Variants in DENND1A observed in about 807,000 individuals in gnomAD.
DENND1A encodes the protein DENN domain containing 1A.
In DENND1A, 51 loss-of-function variants were observed where a neutral mutation model predicts 113.7. The ratio of observed to expected loss-of-function variants is 0.45; its 90% CI spans 0.36 to 0.57. The LOEUF (loss-of-function observed/expected upper bound fraction) is 0.57, where lower values mean the gene tolerates loss of function less well. DENND1A is among the 20% of genes least tolerant of loss of function. The pLI is 0.00. For synonymous variants in DENND1A, 565 were observed against 570.8 expected, an observed-to-expected ratio of 0.99 and a Z score of 0.14; for missense variants, 1,258 against 1,395.9, an observed-to-expected ratio of 0.90 and a Z score of 1.57.
chr9:123,803,572 C>T (rs988408775), intron 2 of DENND1A, among the ~76,000 whole-genome samples: 4 of 152,142 alleles, frequency 2.6e-5, no homozygotes, highest in Non-Finnish European at 5.9e-5. Flanking sequence ...CGTCTTATTA[C>T]GTGACCCTTG....
In DENND1A at chr9:123,616,405, C is replaced by T. The variant is rs76116785; in HGVS notation, c.720-6924G>A. On this transcript the variant is annotated intron_variant, in intron 10 of 23. Transcript: ENST00000394215. ...AAAAATGGTTACTGGATAATTATAG[C>T]TAAAAAAGTAAAATAGCTAGTGGGT... Among the ~76,000 whole-genome samples, 36 of 152,246 alleles carry T rather than the reference C, an allele frequency of 2.4e-4. No homozygotes were observed. In the East Asian group the frequency reaches 6.5e-3, roughly 28 times the overall value.
At chr9:123,499,191 G>T (rs992826420) in intron 13 of DENND1A, among the ~76,000 whole-genome samples, 7 of 151,822 alleles carry the variant, frequency 4.6e-5, no homozygotes, top group African/African-American at 1.5e-4. Flanking sequence ...ACGCCACCAC[G>T]CCTGGCTACT....
chr9:123,792,038 G>A (rs993098839), intron 3 of DENND1A, among the ~76,000 whole-genome samples: 1 of 152,156 alleles, frequency 6.6e-6, no homozygotes, highest in African/African-American at 2.4e-5. Flanking sequence ...TATGCTTGCA[G>A]AATGCTGTCA....
chr9:123,654,127 G>A (rs531352415), intron 8 of DENND1A, among the ~76,000 whole-genome samples: 2 of 152,310 alleles, frequency 1.3e-5, no homozygotes, highest in Admixed American at 6.5e-5. Context: ...ACTGGACGGA[G>A]GAACACAGAG....
intron 2 of DENND1A, among the ~76,000 whole-genome samples, chr9:123,858,406 T>A (rs1400851679): frequency 6.6e-6 from 1 of 152,250 alleles, no homozygotes; most frequent in Non-Finnish European, 1.5e-5. Flanking sequence ...AAGCTTTTTT[T>A]AAATCTTTAA....
intron 5 of DENND1A, among the ~76,000 whole-genome samples, chr9:123,737,795 T>C (rs1308492840): frequency 2.6e-5 from 4 of 152,178 alleles, no homozygotes; most frequent in Admixed American, 1.3e-4. Flanking sequence ...AAAACAATAC[T>C]GTTAAAACAA....
At chr9:123,433,097 T>C (rs747245318) in intron 19 of DENND1A, among the ~76,000 whole-genome samples, 18 of 152,266 alleles carry the variant, frequency 1.2e-4, no homozygotes, top group South Asian at 2.1e-4. Flanking sequence ...GAGACTGATA[T>C]TTACCAGGGG....
intron 13 of DENND1A, among the ~76,000 whole-genome samples, chr9:123,554,107 G>A (rs1394442819): frequency 6.6e-6 from 1 of 152,090 alleles, no homozygotes; most frequent in Non-Finnish European, 1.5e-5. Context: ...CCTTGGGGAG[G>A]GCCTCAGCAC....
intron 14 of DENND1A, 65 bp downstream of exon 14, chr9:123,457,728 G>T: frequency 6.8e-7 from 1 of 1,467,070 alleles, no homozygotes; most frequent in Non-Finnish European, 9.3e-7. Flanking sequence ...AGTACTTAGA[G>T]TGGAGACAGC....
intron 2 of DENND1A, among the ~76,000 whole-genome samples, chr9:123,878,607 T>C (rs1455759568): frequency 7.2e-5 from 11 of 152,224 alleles, no homozygotes; most frequent in Non-Finnish European, 1.2e-4. Flanking sequence ...TACCATTAGA[T>C]TGGTAGACTA....
At chr9:123,440,692 G>A (rs754807086) in intron 18 of DENND1A, among the ~76,000 whole-genome samples, 5 of 152,218 alleles carry the variant, frequency 3.3e-5, no homozygotes, top group Admixed American at 1.3e-4. Flanking sequence ...TCCATGTGAA[G>A]TTATAAAGAT....
intron 10 of DENND1A, among the ~76,000 whole-genome samples, chr9:123,619,783 G>A (rs1379611727): frequency 2.0e-5 from 3 of 152,128 alleles, no homozygotes; most frequent in East Asian, 1.9e-4. Flanking sequence ...CTTAAAAAAT[G>A]TAGCAGAGAA....
At chr9:123,835,045 C>T (rs1052964578) in intron 2 of DENND1A, among the ~76,000 whole-genome samples, 25 of 151,586 alleles carry the variant, frequency 1.6e-4, no homozygotes, top group African/African-American at 6.1e-4. Context: ...ACAAATCAAT[C>T]GCTCAGGACA....
chr9:123,767,227 T>G (rs1056010588), intron 4 of DENND1A, among the ~76,000 whole-genome samples: 1 of 152,150 alleles, frequency 6.6e-6, no homozygotes, highest in Non-Finnish European at 1.5e-5. Context: ...ATACCAAGGT[T>G]AGAGGTGGGG....
intron 13 of DENND1A, among the ~76,000 whole-genome samples, chr9:123,479,016 T>C (rs778450373): frequency 5.9e-5 from 9 of 152,182 alleles, no homozygotes; most frequent in Non-Finnish European, 1.3e-4. Context: ...AGCACCAGAA[T>C]GGTAATGAAT....
At chr9:123,414,639 A>C in intron 19 of DENND1A, 1 of 1,543,974 alleles carries the variant, frequency 6.5e-7, no homozygotes, top group Admixed American at 2.0e-5. Flanking sequence ...AACCCACCCA[A>C]ACCAGGCAAA....
At chr9:123,839,300 T>C (rs1228704183) in intron 2 of DENND1A, among the ~76,000 whole-genome samples, 1 of 152,236 alleles carries the variant, frequency 6.6e-6, no homozygotes, top group Non-Finnish European at 1.5e-5. Flanking sequence ...TTTTGCTTCC[T>C]GTCCTTCACT....
At position 123,575,934 on chromosome 9, in the gene DENND1A, G is replaced by A. The variant is rs115447390; in HGVS notation, c.867+7235C>T. ...TTTTATATAATAACCTCTGTAAATTGGAGTGTCTAGACAATGTATGTTTAA... is the reference window on the plus strand; with the variant it reads ...TTTTATATAATAACCTCTGTAAATTAGAGTGTCTAGACAATGTATGTTTAA... On this transcript the variant is annotated intron_variant, in intron 12 of 23. Transcript: ENST00000394215. Among the ~76,000 whole-genome samples the A allele has an allele frequency of 4.4e-3, 672 of 152,236 alleles. 6 individuals carry two copies. Among genetic ancestry groups the A allele is most frequent in the African/African-American group, 0.016 (649 of 41,550 alleles).
intron 5 of DENND1A, among the ~76,000 whole-genome samples, chr9:123,699,673 T>C (rs1315619001): frequency 6.7e-6 from 1 of 149,300 alleles, no homozygotes; most frequent in African/African-American, 2.5e-5. Context: ...TAGACTACCC[T>C]TTCATTCTTT....
Sources: allele counts gnomAD v4.1 joint callset (sites outside exome capture counted in the v4.1 genomes callset), GRCh38; gene constraint gnomAD v4.1.1; transcripts MANE v1.5; gene names NCBI Gene and HGNC (gene_info 2026-07-23, HGNC 2026-07-21).